The following MAPKAP1 variants were observed in gnomAD, a reference collection of about 807,000 sequenced individuals.
MAPKAP1 encodes the protein target of rapamycin complex 2 subunit MAPKAP1.
Under a neutral mutation model 65.7 loss-of-function variants are expected in MAPKAP1, and 20 were observed. That is an observed-to-expected ratio of 0.30 (90% CI 0.21 to 0.44). MAPKAP1 has a LOEUF of 0.44. Ranked by LOEUF, MAPKAP1 falls within the 20% of genes least tolerant of loss-of-function variation. MAPKAP1 has a pLI of 1.00. For synonymous variants in MAPKAP1, 222 were observed against 244.3 expected, an observed-to-expected ratio of 0.91 and a Z score of 0.85; for missense variants, 423 against 648.0, an observed-to-expected ratio of 0.65 and a Z score of 3.77.
intron 4 of MAPKAP1, among the ~76,000 whole-genome samples, chr9:125,588,900 G>A (rs1022125794): frequency 2.6e-5 from 4 of 152,140 alleles, no homozygotes; most frequent in African/African-American, 9.7e-5. Context: ...ATCAGACTTC[G>A]GCTATACCGG....
Position 125,543,053 on chromosome 9 carries a change from T to C in MAPKAP1, c.958+6A>G. On this transcript the variant is annotated splice_donor_region_variant and intron_variant, in intron 7 of 11. Coordinates refer to ENST00000265960, the MANE Select transcript of MAPKAP1 (RefSeq NM_001006617.3). ...CTACTGTGAGAATATGATTTAACTA[T>C]CCCACCTGAAACTTTCTGGGATCCT... is the stretch of plus-strand genomic sequence containing the variant. 1 of 1,572,924 alleles carries C rather than the reference T, an allele frequency of 6.4e-7. No homozygotes were observed. Among genetic ancestry groups the C allele is most frequent in the South Asian group, 1.1e-5 (1 of 90,238 alleles).
intron 5 of MAPKAP1, chr9:125,565,649 A>G (rs1258672870): frequency 4.9e-6 from 2 of 411,954 alleles, no homozygotes; most frequent in African/African-American, 4.3e-5. Context: ...AAGGTGATCA[A>G]GATTTCCTTT....
At chr9:125,621,162 C>A (rs1292502844) in intron 4 of MAPKAP1, among the ~76,000 whole-genome samples, 4 of 151,924 alleles carry the variant, frequency 2.6e-5, no homozygotes, top group Non-Finnish European at 5.9e-5. Flanking sequence ...GTCCCAGCTA[C>A]TCCAGAGACT....
At chr9:125,566,198 A>G (rs1369883220) in intron 5 of MAPKAP1, among the ~76,000 whole-genome samples, 1 of 152,228 alleles carries the variant, frequency 6.6e-6, no homozygotes, top group Non-Finnish European at 1.5e-5. Context: ...TGTGTTAAGC[A>G]TTGTGTATGG....
intron 4 of MAPKAP1, among the ~76,000 whole-genome samples, chr9:125,594,203 A>G (rs924366114): frequency 1.3e-5 from 2 of 152,104 alleles, no homozygotes; most frequent in Admixed American, 6.5e-5. Context: ...TCCCCTCCAA[A>G]TCTTTCTTTC....
chr9:125,622,374 T>C (rs1832930762), intron 4 of MAPKAP1, among the ~76,000 whole-genome samples: 1 of 152,224 alleles, frequency 6.6e-6, no homozygotes, highest in Admixed American at 6.5e-5. Context: ...TCATTATGCA[T>C]TGCATACACA....
chr9:125,693,712 T>TATATACACACAC lies in MAPKAP1; in HGVS notation c.-70+13258_-70+13259insGTGTGTGTATAT, dbSNP rs1564620320. On this transcript the variant is annotated intron_variant, in intron 1 of 11. Coordinates refer to ENST00000265960, the MANE Select transcript of MAPKAP1 (RefSeq NM_001006617.3). ...GTATATATACACGTATATATACACA[T>TATATACACACAC]ATATACACGTATATACACATATATA... Among the ~76,000 whole-genome samples, 183 of 57,514 alleles carry TATATACACACAC rather than the reference T, an allele frequency of 3.2e-3. 11 individuals carry two copies. Among genetic ancestry groups the TATATACACACAC allele is most frequent in the African/African-American group, 0.01 (163 of 16,286 alleles). The allele number at this position is 57,514 out of a possible 152,430, so 37.7% of individuals were successfully genotyped here. A position where few individuals can be genotyped will look rare whatever the true frequency, so the allele number is the denominator to read the frequency against.
intron 7 of MAPKAP1, among the ~76,000 whole-genome samples, chr9:125,516,231 A>G (rs1371069335): frequency 6.6e-6 from 1 of 152,202 alleles, no homozygotes; most frequent in East Asian, 1.9e-4. Flanking sequence ...TGATGAGAGT[A>G]TTGGGGAAAT....
intron 4 of MAPKAP1, among the ~76,000 whole-genome samples, chr9:125,633,737 C>T (rs1410058562): frequency 1.3e-5 from 2 of 152,076 alleles, no homozygotes; most frequent in African/African-American, 2.4e-5. Context: ...TAATTTCATA[C>T]TCTAGTACTC....
chr9:125,525,501 C>T (rs1029907481), intron 7 of MAPKAP1, among the ~76,000 whole-genome samples: 1 of 151,954 alleles, frequency 6.6e-6, no homozygotes, highest in Non-Finnish European at 1.5e-5. Flanking sequence ...TGAAGAAATT[C>T]CTTCTCTACT....
intron 1 of MAPKAP1, among the ~76,000 whole-genome samples, chr9:125,697,809 C>CAAT (rs1835430139): frequency 6.6e-6 from 1 of 152,128 alleles, no homozygotes; most frequent in Admixed American, 6.6e-5. Context: ...TTCCCACTAT[C>CAAT]AATATGAGTA....
intron 6 of MAPKAP1, among the ~76,000 whole-genome samples, chr9:125,553,648 T>C (rs1304786344): frequency 5.3e-5 from 8 of 152,214 alleles, no homozygotes; most frequent in Non-Finnish European, 1.2e-4. Flanking sequence ...TTTGTCTATG[T>C]AGTCTACGGC....
At chr9:125,460,260 C>T (rs1853434988) in intron 10 of MAPKAP1, among the ~76,000 whole-genome samples, 1 of 151,228 alleles carries the variant, frequency 6.6e-6, no homozygotes, top group African/African-American at 2.4e-5. Flanking sequence ...AAGCCCAAGT[C>T]AACAATTAAG....
At chr9:125,561,590 T>C (rs1372898947) in intron 5 of MAPKAP1, among the ~76,000 whole-genome samples, 2 of 152,106 alleles carry the variant, frequency 1.3e-5, no homozygotes, top group African/African-American at 2.4e-5. Flanking sequence ...AGAAAGCACT[T>C]TGGATGAGGA....
intron 7 of MAPKAP1, among the ~76,000 whole-genome samples, chr9:125,524,153 C>A (rs1265773433): frequency 6.6e-6 from 1 of 152,250 alleles, no homozygotes; most frequent in South Asian, 2.1e-4. Context: ...TTAATTACCA[C>A]TACCCTGTCC....
intron 1 of MAPKAP1, among the ~76,000 whole-genome samples, chr9:125,698,638 G>A (rs973022387): frequency 1.3e-5 from 2 of 151,740 alleles, no homozygotes; most frequent in African/African-American, 2.4e-5. Flanking sequence ...CACCGCACCC[G>A]GCCCGGTAGC....
At chr9:125,688,136 AT>A (rs942258391) in intron 1 of MAPKAP1, among the ~76,000 whole-genome samples, 3 of 151,586 alleles carry the variant, frequency 2.0e-5, no homozygotes, top group African/African-American at 7.3e-5. Flanking sequence ...AGACTATCTC[AT>A]TTTTTTTCTT....
At chr9:125,476,721 C>T (rs1362035956) in intron 9 of MAPKAP1, among the ~76,000 whole-genome samples, 1 of 152,108 alleles carries the variant, frequency 6.6e-6, no homozygotes, top group Non-Finnish European at 1.5e-5. Context: ...AAAATAACAC[C>T]ATAATAAAGT....
intron 2 of MAPKAP1, among the ~76,000 whole-genome samples, chr9:125,670,975 G>C (rs1196082411): frequency 6.6e-6 from 1 of 150,416 alleles, no homozygotes. Flanking sequence ...ACTATGCTGG[G>C]AAGAGCATTC....
Sources: gnomAD v4.1 joint callset for allele counts (sites outside exome capture counted in the v4.1 genomes callset) on GRCh38, gnomAD v4.1.1 for gene constraint, MANE v1.5 for transcripts, NCBI Gene and HGNC (gene_info 2026-07-23, HGNC 2026-07-21) for gene names.